PKP4: variants seen among roughly 807,000 people sequenced by gnomAD.
PKP4 encodes the protein plakophilin 4.
In PKP4, 90 loss-of-function variants were observed where a neutral mutation model predicts 145.1. The observed-to-expected ratio is 0.62, with a 90% CI of 0.52 to 0.74. The LOEUF (loss-of-function observed/expected upper bound fraction) is 0.74, where lower values mean the gene tolerates loss of function less well. Ranked by LOEUF, PKP4 falls within the 30% of genes least tolerant of loss-of-function variation. PKP4 has a pLI of 0.00. For synonymous variants in PKP4, 563 were observed against 577.2 expected, an observed-to-expected ratio of 0.98 and a Z score of 0.35; for missense variants, 1,340 against 1,482.7, an observed-to-expected ratio of 0.90 and a Z score of 1.58.
At chr2:158,486,141 G>A (rs1694137065) in intron 1 of PKP4, among the ~76,000 whole-genome samples, 1 of 152,054 alleles carries the variant, frequency 6.6e-6, no homozygotes, top group Admixed American at 6.6e-5. Context: ...AAGATACTTG[G>A]CAGCTCAACT....
At chr2:158,565,883 A>T (rs2046942116) in intron 2 of PKP4, among the ~76,000 whole-genome samples, 1 of 152,210 alleles carries the variant, frequency 6.6e-6, no homozygotes, top group Non-Finnish European at 1.5e-5. Context: ...GAGTGATGAT[A>T]TTATTGAAAC....
intron 15 of PKP4, among the ~76,000 whole-genome samples, chr2:158,664,959 T>C (rs575103494): frequency 3.9e-5 from 6 of 152,262 alleles, no homozygotes; most frequent in African/African-American, 1.4e-4. Context: ...AAGACAGTAA[T>C]TGAAATCGAT....
In PKP4 at chr2:158,498,697, A is replaced by G. The variant is rs116282592; in HGVS notation, c.-5-34483A>G. Among the ~76,000 whole-genome samples the G allele has an allele frequency of 5.5e-3, 836 of 152,298 alleles. 9 individuals are homozygous for G. Among genetic ancestry groups the G allele is most frequent in the African/African-American group, 0.019 (798 of 41,564 alleles). On this transcript the variant is annotated intron_variant, in intron 1 of 21. Coordinates refer to ENST00000389759, the MANE Select transcript of PKP4 (RefSeq NM_003628.6). The stretch of plus-strand genomic sequence containing the variant: ...ACAGTGGAGATAGGTTGATAGGGCA[A>G]ACAGTCTTGGCCTGTTCTAGAACCT...
At chr2:158,677,637 TG>T (rs779338947) in intron 20 of PKP4, among the ~76,000 whole-genome samples, 2 of 152,186 alleles carry the variant, frequency 1.3e-5, no homozygotes, top group African/African-American at 2.4e-5. Context: ...TTACTCCTGC[TG>T]GGGGGGCAGT....
intron 1 of PKP4, among the ~76,000 whole-genome samples, chr2:158,518,151 G>A (rs1574234256): frequency 6.6e-6 from 1 of 152,174 alleles, no homozygotes; most frequent in East Asian, 1.9e-4. Flanking sequence ...GGTGCCTGGA[G>A]TCAGCTGGTG....
intron 2 of PKP4, among the ~76,000 whole-genome samples, chr2:158,576,835 A>C (rs367558035): frequency 2.0e-4 from 30 of 152,234 alleles, no homozygotes; most frequent in African/African-American, 7.0e-4. Flanking sequence ...AAACATGGTA[A>C]AGTGATTCTG....
chr2:158,530,305 G>C (rs746841544), intron 1 of PKP4, among the ~76,000 whole-genome samples: 4 of 152,028 alleles, frequency 2.6e-5, no homozygotes, highest in Non-Finnish European at 5.9e-5. Flanking sequence ...TCCAAAAACA[G>C]CCATGGCATT....
chr2:158,606,702 G>C (rs1017750890), intron 4 of PKP4, among the ~76,000 whole-genome samples: 3 of 152,086 alleles, frequency 2.0e-5, no homozygotes, highest in African/African-American at 7.2e-5. Context: ...ACATTTGCCA[G>C]TTTTTTTCAT....
At chr2:158,522,015 A>G (rs919643521) in intron 1 of PKP4, among the ~76,000 whole-genome samples, 1 of 152,060 alleles carries the variant, frequency 6.6e-6, no homozygotes, top group African/African-American at 2.4e-5. Context: ...CAGTTTTGAA[A>G]TTGTGTTTCT....
rs1007320394 is a variant in PKP4 at position 158,493,043 on chromosome 2, C to T, written c.-6+35825C>T. 9.2e-5 allele frequency among the ~76,000 whole-genome samples: 14 copies of T among 151,940 alleles called. 2 individuals carry two copies. Among genetic ancestry groups the T allele is most frequent in the Admixed American group, 6.6e-4 (10 of 15,254 alleles). On this transcript the variant is annotated intron_variant, in intron 1 of 21. Transcript: ENST00000389759. ...AAGCCTTATAACAAATTATAACAGT[C>T]CTTTGACCCCCTTGTCTCATTCTTT...
At chr2:158,530,238 C>T (rs1465440061) in intron 1 of PKP4, among the ~76,000 whole-genome samples, 2 of 152,172 alleles carry the variant, frequency 1.3e-5, no homozygotes, top group African/African-American at 2.4e-5. Context: ...AAGAATCTCA[C>T]CCAAGATCTG....
chr2:158,510,875 TTACACCTAGATTTTGC>T (rs1434845921), intron 1 of PKP4, among the ~76,000 whole-genome samples: 1 of 152,198 alleles, frequency 6.6e-6, no homozygotes, highest in African/African-American at 2.4e-5. Flanking sequence ...CCTTCCAAAT[TTACACCTAGATTTTGC>T]CCGAGATTTC....
intron 2 of PKP4, among the ~76,000 whole-genome samples, chr2:158,537,900 T>G (rs1046978380): frequency 6.6e-6 from 1 of 151,992 alleles, no homozygotes; most frequent in Non-Finnish European, 1.5e-5. Flanking sequence ...TGTGATGGTG[T>G]GCGCCTGTGG....
chr2:158,535,325 C>G (rs945557025), intron 2 of PKP4, among the ~76,000 whole-genome samples: 3 of 152,190 alleles, frequency 2.0e-5, no homozygotes, highest in Non-Finnish European at 4.4e-5. Flanking sequence ...GAGTGTGACA[C>G]TCTTAGCCCA....
intron 1 of PKP4, among the ~76,000 whole-genome samples, chr2:158,480,043 C>G (rs1236993616): frequency 6.6e-6 from 1 of 152,168 alleles, no homozygotes; most frequent in Admixed American, 6.5e-5. Flanking sequence ...ACTGCTACTG[C>G]TTTACAAAGA....
chr2:158,660,513 G>T (rs2056465707), intron 12 of PKP4: 1 of 152,618 alleles, frequency 6.6e-6, no homozygotes, highest in African/African-American at 2.4e-5. Context: ...AGGCAGGGCA[G>T]ATGAGAGCCG....
At chr2:158,678,821 T>C (rs956459074) in intron 21 of PKP4, 167 bp downstream of exon 21, 10 of 635,008 alleles carry the variant, frequency 1.6e-5, no homozygotes, top group Non-Finnish European at 1.4e-5. Flanking sequence ...GCAAAGCATT[T>C]CCACGGTAGC....
chr2:158,509,305 AAC>A (rs1235811853), intron 1 of PKP4, among the ~76,000 whole-genome samples: 1 of 152,222 alleles, frequency 6.6e-6, no homozygotes, highest in Non-Finnish European at 1.5e-5. Flanking sequence ...AAGAGATATA[AAC>A]ACAGTTAAAA....
chr2:158,644,797 G>C (rs1270505363), intron 11 of PKP4, among the ~76,000 whole-genome samples: 1 of 152,126 alleles, frequency 6.6e-6, no homozygotes, highest in Non-Finnish European at 1.5e-5. Context: ...TTCCACCTCT[G>C]TTTCTTTAGA....
Sources: gnomAD v4.1 joint callset for allele counts (sites outside exome capture counted in the v4.1 genomes callset) on GRCh38, gnomAD v4.1.1 for gene constraint, MANE v1.5 for transcripts, NCBI Gene and HGNC (gene_info 2026-07-23, HGNC 2026-07-21) for gene names.